Variants in GTF3C4 observed in about 807,000 individuals in gnomAD.
GTF3C4 encodes the protein general transcription factor 3C polypeptide 4.
A neutral mutation model predicts 67.5 loss-of-function variants in GTF3C4; 28 were observed. The ratio of observed to expected loss-of-function variants is 0.41; its 90% CI spans 0.31 to 0.57. The LOEUF (loss-of-function observed/expected upper bound fraction) is 0.57, where lower values mean the gene tolerates loss of function less well. Ranked by LOEUF, GTF3C4 falls within the 20% of genes least tolerant of loss-of-function variation. The pLI is 0.21. For missense variants in GTF3C4, 831 were observed against 1,033.2 expected (o/e 0.80, Z 2.68); for synonymous variants, 409 against 393.0 (o/e 1.04, Z -0.48).
chr9:132,679,321 A>G lies in GTF3C4; in HGVS notation c.1702A>G (p.Ser568Gly), dbSNP rs1413805272. 6.2e-7 allele frequency: 1 copy of G among 1,614,228 alleles called. No individual in the cohort carries two copies. Residue 568 changes from serine to glycine, a missense_variant, in exon 2 of 5, where the codon AGT becomes GGT. By Grantham distance (56) the Ser-to-Gly change is moderately conservative. Transcript: ENST00000372146. This position sits in a 1 kb window ranked among gnomAD's most constrained non-coding sequence, Gnocchi z 5.9. ...QEALEKKIES[S>G]GVTYFWRFKL... Reference sequence around the variant, plus strand: ...AGCTTTGGAAAAAAAGATTGAAAGCAGTGGAGTCACCTATTTTTGGCGTTT... The same window carrying G: ...AGCTTTGGAAAAAAAGATTGAAAGCGGTGGAGTCACCTATTTTTGGCGTTT...
intron 2 of GTF3C4, among the ~76,000 whole-genome samples, chr9:132,682,594 T>TC (rs1835962707): frequency 8.1e-6 from 1 of 123,080 alleles, no homozygotes; most frequent in Non-Finnish European, 1.7e-5. Context: ...AACAGTATAA[T>TC]CTTTTTTTTT....
chr9:132,671,325 C>G (rs1337644537), intron 1 of GTF3C4, among the ~76,000 whole-genome samples: 1 of 152,158 alleles, frequency 6.6e-6, no homozygotes, highest in Non-Finnish European at 1.5e-5. Context: ...GGGCCTGCCT[C>G]TGTCGTTGCT....
intron 3 of GTF3C4, among the ~76,000 whole-genome samples, chr9:132,685,142 A>G (rs1412997335): frequency 6.7e-6 from 1 of 149,242 alleles, no homozygotes; most frequent in Non-Finnish European, 1.5e-5. Flanking sequence ...AGCTTCCCCT[A>G]TAGCTGGAAC....
chr9:132,694,014 TAAAC>T lies in GTF3C4; in HGVS notation c.*5071_*5074del, dbSNP rs946480974. ...GTTTACCTATGACTTTTTTTTGAAATAAACAGAACAGTCATCTAAAAACATAAGG... is the reference window on the plus strand; with the variant it reads ...GTTTACCTATGACTTTTTTTTGAAATAGAACAGTCATCTAAAAACATAAGG... On this transcript the variant is annotated 3_prime_UTR_variant, in exon 5 of 5. Coordinates refer to ENST00000372146, the MANE Select transcript of GTF3C4 (RefSeq NM_012204.4). 2 of 152,086 alleles carry T rather than the reference TAAAC, an allele frequency of 1.3e-5. No homozygotes were observed. Among genetic ancestry groups the T allele is most frequent in the Non-Finnish European group, 2.9e-5 (2 of 67,998 alleles). 9.4% of individuals were successfully genotyped at this position (152,086 alleles called of 1,614,324 possible).
intron 2 of GTF3C4, among the ~76,000 whole-genome samples, chr9:132,680,341 T>C (rs1835922668): frequency 6.6e-6 from 1 of 152,240 alleles, no homozygotes; most frequent in Non-Finnish European, 1.5e-5. Context: ...GAATGTATTC[T>C]ATAGAATTTA....
chr9:132,693,982 T>C lies in GTF3C4; in HGVS notation c.*5037T>C, dbSNP rs939246134. 6.6e-6 allele frequency: 1 copy of C among 152,218 alleles called. No homozygotes were observed. The highest frequency in any genetic ancestry group is 1.5e-5 in the Non-Finnish European group (1 of 68,030). The allele number at this position is 152,218 out of a possible 1,614,324, so 9.4% of individuals were successfully genotyped here. A position where few individuals can be genotyped will look rare whatever the true frequency, so the allele number is the denominator to read the frequency against. ...AAATCTTGTGCTTGGCTTTGAATTATATATGTGTTTACCTATGACTTTTTT... is the reference window on the plus strand; with the variant it reads ...AAATCTTGTGCTTGGCTTTGAATTACATATGTGTTTACCTATGACTTTTTT... On this transcript the variant is annotated 3_prime_UTR_variant, in exon 5 of 5. Coordinates refer to ENST00000372146, the MANE Select transcript of GTF3C4 (RefSeq NM_012204.4).
In GTF3C4 at chr9:132,690,905, G is replaced by C. The variant is rs1836106222; in HGVS notation, c.*1960G>C. On this transcript the variant is annotated 3_prime_UTR_variant, in exon 5 of 5. Transcript: ENST00000372146. Reference sequence around the variant, plus strand: ...ATCAGTGGAGATTTGTTCTTACTAGGGAATTTTGGACTGCTGCCATTTAAA... The same window carrying C: ...ATCAGTGGAGATTTGTTCTTACTAGCGAATTTTGGACTGCTGCCATTTAAA... 2 of 152,118 alleles carry C rather than the reference G, an allele frequency of 1.3e-5. No individual in the cohort carries two copies. The highest frequency in any genetic ancestry group is 2.9e-5 in the Non-Finnish European group (2 of 68,036). The allele number at this position is 152,118 out of a possible 1,614,324, so 9.4% of individuals were successfully genotyped here. A position where few individuals can be genotyped will look rare whatever the true frequency, so the allele number is the denominator to read the frequency against.
chr9:132,670,203 C>G (rs1246766017), upstream of GTF3C4: 4 of 1,571,440 alleles, frequency 2.5e-6, no homozygotes, highest in Non-Finnish European at 3.5e-6. Context: ...AGAGTTCACG[C>G]TGGGGAAGCT....
chr9:132,671,178 A>G (rs1212300987), intron 1 of GTF3C4, among the ~76,000 whole-genome samples: 1 of 150,956 alleles, frequency 6.6e-6, no homozygotes, highest in African/African-American at 2.4e-5. Context: ...CCGCCGCCGC[A>G]AACACAGGTA....
At chr9:132,681,521 A>G (rs1173431107) in intron 2 of GTF3C4, among the ~76,000 whole-genome samples, 1 of 152,220 alleles carries the variant, frequency 6.6e-6, no homozygotes, top group Non-Finnish European at 1.5e-5. Flanking sequence ...GTATGCTAGT[A>G]CAGTTAAACT....
intron 2 of GTF3C4, among the ~76,000 whole-genome samples, chr9:132,682,745 C>T (rs1419660184): frequency 6.6e-6 from 1 of 151,890 alleles, no homozygotes; most frequent in Non-Finnish European, 1.5e-5. Flanking sequence ...GCTGGAATTA[C>T]AGGTATGTGC....
At position 132,691,563 on chromosome 9, in the gene GTF3C4, G is replaced by C. The variant is rs758679860; in HGVS notation, c.*2618G>C. On this transcript the variant is annotated 3_prime_UTR_variant, in exon 5 of 5. Transcript: ENST00000372146. ...AAGCTACAACGTGGTTGCATTTGGG[G>C]AGTCTGATACCCACATAGGTATCAC... is the stretch of plus-strand genomic sequence containing the variant. 2 of 152,198 alleles carry C rather than the reference G, an allele frequency of 1.3e-5. No individual in the cohort carries two copies. The highest frequency in any genetic ancestry group is 2.9e-5 in the Non-Finnish European group (2 of 68,034). The allele number at this position is 152,198 out of a possible 1,614,324, so 9.4% of individuals were successfully genotyped here. A position where few individuals can be genotyped will look rare whatever the true frequency, so the allele number is the denominator to read the frequency against.
At position 132,679,518 on chromosome 9, in the gene GTF3C4, G is replaced by GC; in HGVS notation, c.1900dup (p.Gln634ProfsTer17). On this transcript the variant is annotated frameshift_variant, in exon 2 of 5. Transcript: ENST00000372146. LOFTEE classifies it high-confidence loss of function. This position sits in a 1 kb window ranked among gnomAD's most constrained non-coding sequence, Gnocchi z 5.9. ...GCACTTCTTCCAAACAGGTGGTGAA[G>GC]CAAGGCCTGCAGGAGAGGAGCAAGG... 1 of 1,614,180 alleles carries GC rather than the reference G, an allele frequency of 6.2e-7. No homozygotes were observed. The highest frequency in any genetic ancestry group is 8.5e-7 in the Non-Finnish European group (1 of 1,180,040).
rs187005066 is a variant in GTF3C4, at chr9:132,673,231, A to G, written c.357+2276A>G. Among the ~76,000 whole-genome samples the G allele has an allele frequency of 2.1e-3, 324 of 152,274 alleles. 4 individuals carry two copies. Among genetic ancestry groups the G allele is most frequent in the Admixed American group, 0.018 (278 of 15,286 alleles). On this transcript the variant is annotated intron_variant, in intron 1 of 4. Transcript: ENST00000372146. Reference sequence around the variant, plus strand: ...TGCAGTTATACAGGTATGAAGGAGTAGGAGTCTGGATTAATGTCGTGGTTG... The same window carrying G: ...TGCAGTTATACAGGTATGAAGGAGTGGGAGTCTGGATTAATGTCGTGGTTG...
rs139080117 is a variant in GTF3C4 at position 132,679,749 on chromosome 9, C to T, written c.2130C>T (p.Arg710=). 5.6e-4 allele frequency: 897 copies of T among 1,613,826 alleles called. 1 individual carries two copies. Among genetic ancestry groups the T allele is most frequent in the Admixed American group, 1.4e-3 (84 of 60,014 alleles). The change falls in exon 2 of 5, where the codon CGC becomes CGT. Residue 710 remains arginine, a synonymous_variant. Transcript: ENST00000372146. This position sits in a 1 kb window ranked among gnomAD's most constrained non-coding sequence, Gnocchi z 5.9. ...CAGAAAACACTAGCATCCCCACCCG[C>T]GGACTCTGTAACTTTTTAATGTCTG... ...WITENTSIPT[R]GLCNFLMSDE...
Position 132,694,701 on chromosome 9 carries a change from G to A in GTF3C4, c.*5756G>A, listed in dbSNP as rs1012579731. On this transcript the variant is annotated 3_prime_UTR_variant, in exon 5 of 5. Transcript: ENST00000372146. ...AGAACCTCTGTTTCTTTACCAAGTC[G>A]CTGGTTGGCCATTTCTCCAATTGAT... The A allele has an allele frequency of 4.6e-5, 7 of 152,092 alleles. No homozygotes were observed. Among genetic ancestry groups the A allele is most frequent in the East Asian group, 1.9e-4 (1 of 5,190 alleles). 9.4% of individuals were successfully genotyped at this position (152,092 alleles called of 1,614,324 possible).
At chr9:132,686,436 CTGCT>C (rs1836029249) in intron 3 of GTF3C4, among the ~76,000 whole-genome samples, 1 of 77,896 alleles carries the variant, frequency 1.3e-5, no homozygotes, top group Non-Finnish European at 3.4e-5. Flanking sequence ...TAACCTCTGC[CTGCT>C]TGGAGTCCCT....
In GTF3C4 at chr9:132,679,213, A is replaced by C. The variant is rs1166822372; in HGVS notation, c.1594A>C (p.Asn532His). ...AAQLLESSVQ[N>H]LFKQVDLIDL... ...TCAGCTCCTGGAATCTTCAGTTCAA[A>C]ACCTTTTTAAGCAGGTAGATTTAAT... Residue 532 changes from asparagine to histidine, a missense_variant, in exon 2 of 5, where the codon AAC (asparagine) becomes CAC (histidine). By Grantham distance (68) the Asn-to-His change is moderately conservative (BLOSUM62 1). Around this residue, in one of 4 missense-constraint regions of GTF3C4, gnomAD observed 390 missense variants for 540.3 expected, o/e 0.72. Coordinates refer to ENST00000372146, the MANE Select transcript of GTF3C4 (RefSeq NM_012204.4). This position sits in a 1 kb window ranked among gnomAD's most constrained non-coding sequence, Gnocchi z 5.9. 2 of 1,614,096 alleles carry C rather than the reference A, an allele frequency of 1.2e-6. No individual in the cohort carries two copies. The highest frequency in any genetic ancestry group is 1.7e-6 in the Non-Finnish European group (2 of 1,180,042).
At chr9:132,684,343 TTTG>T (rs1835993218) in intron 3 of GTF3C4, among the ~76,000 whole-genome samples, 1 of 152,210 alleles carries the variant, frequency 6.6e-6, no homozygotes, top group Non-Finnish European at 1.5e-5. Context: ...AATCCAACCT[TTTG>T]TTCCTACCTC....
Sources: allele counts gnomAD v4.1 joint callset (sites outside exome capture counted in the v4.1 genomes callset), GRCh38; gene constraint gnomAD v4.1.1; regional missense constraint gnomAD v4.1.1; non-coding constraint Gnocchi (gnomAD v3.1); transcripts MANE v1.5; gene names NCBI Gene and HGNC (gene_info 2026-07-23, HGNC 2026-07-21).